Variants in CAPZA2 observed in about 807,000 individuals in gnomAD.
CAPZA2 encodes the protein F-actin-capping protein subunit alpha-2.
CAPZA2 carries 13 observed loss-of-function variants against 44.0 expected under a neutral mutation model. The ratio of observed to expected loss-of-function variants is 0.30; its 90% CI spans 0.19 to 0.47. CAPZA2 has a LOEUF of 0.47. Ranked by LOEUF, CAPZA2 falls within the 20% of genes least tolerant of loss-of-function variation. CAPZA2 has a pLI of 1.00. For missense variants in CAPZA2, 244 were observed against 338.6 expected (o/e 0.72, Z 2.19); for synonymous variants, 94 against 108.2 (o/e 0.87, Z 0.81).
chr7:116,886,895 T>A (rs1340261305), intron 1 of CAPZA2, among the ~76,000 whole-genome samples: 1 of 152,250 alleles, frequency 6.6e-6, no homozygotes, highest in Non-Finnish European at 1.5e-5. Context: ...TCATCTACCC[T>A]CTCAGATATA....
intron 1 of CAPZA2, among the ~76,000 whole-genome samples, chr7:116,865,174 C>CCTCTT (rs1796467137): frequency 8.2e-6 from 1 of 122,086 alleles, no homozygotes; most frequent in Non-Finnish European, 1.7e-5. Context: ...TATGCGCTCT[C>CCTCTT]TTCTTTTTTT....
chr7:116,902,689 A>G (rs1279876356), intron 4 of CAPZA2, among the ~76,000 whole-genome samples: 1 of 152,224 alleles, frequency 6.6e-6, no homozygotes, highest in Non-Finnish European at 1.5e-5. Context: ...CAATGGAAAT[A>G]AAAACATCAG....
At chr7:116,866,838 A>G (rs1796489685) in intron 1 of CAPZA2, among the ~76,000 whole-genome samples, 1 of 152,176 alleles carries the variant, frequency 6.6e-6, no homozygotes, top group East Asian at 1.9e-4. Context: ...TCTGCTATTC[A>G]TGTTCACTGG....
intron 1 of CAPZA2, among the ~76,000 whole-genome samples, chr7:116,879,605 A>G (rs534732843): frequency 6.6e-6 from 1 of 152,268 alleles, no homozygotes; most frequent in East Asian, 1.9e-4. Context: ...TAGGGTGTGC[A>G]TTCCTATGAG....
intron 4 of CAPZA2, among the ~76,000 whole-genome samples, chr7:116,902,413 T>G (rs1347596973): frequency 6.6e-6 from 1 of 152,170 alleles, no homozygotes; most frequent in African/African-American, 2.4e-5. Context: ...TTTTATTATA[T>G]TTGCTCACAG....
At chr7:116,893,085 T>C in intron 3 of CAPZA2, 40 bp downstream of exon 3, 1 of 1,331,730 alleles carries the variant, frequency 7.5e-7, no homozygotes. Context: ...TAAAATGACA[T>C]GGGAAAACGA....
chr7:116,888,240 TAA>T (rs1796788494), intron 2 of CAPZA2, 50 bp downstream of exon 2: 3 of 1,314,338 alleles, frequency 2.3e-6, no homozygotes, highest in Middle Eastern at 1.9e-4. Context: ...GCCCTCTTTT[TAA>T]AAGAAAACCA....
intron 2 of CAPZA2, chr7:116,888,639 G>T (rs1443078659): frequency 6.8e-6 from 1 of 146,806 alleles, no homozygotes; most frequent in African/African-American, 2.5e-5. Flanking sequence ...CCAGGAGTTC[G>T]AGACCAGCCT....
At chr7:116,863,164 C>T (rs1374440335) in intron 1 of CAPZA2, among the ~76,000 whole-genome samples, 1 of 152,240 alleles carries the variant, frequency 6.6e-6, no homozygotes, top group African/African-American at 2.4e-5. Context: ...CTACTTCCCC[C>T]TCCTCAAAGC....
At chr7:116,863,984 G>T (rs1011296307) in intron 1 of CAPZA2, among the ~76,000 whole-genome samples, 1 of 152,072 alleles carries the variant, frequency 6.6e-6, no homozygotes, top group Non-Finnish European at 1.5e-5. Context: ...CGGTGAAAGT[G>T]ATAATACAAC....
chr7:116,901,084 T>G (rs1265890636), intron 4 of CAPZA2, among the ~76,000 whole-genome samples: 1 of 152,126 alleles, frequency 6.6e-6, no homozygotes, highest in Non-Finnish European at 1.5e-5. Flanking sequence ...TCAACTATTA[T>G]AGAAGACAGT....
intron 1 of CAPZA2, among the ~76,000 whole-genome samples, chr7:116,869,342 C>T (rs1796520827): frequency 6.6e-6 from 1 of 152,164 alleles, no homozygotes; most frequent in Non-Finnish European, 1.5e-5. Flanking sequence ...GCTCTTATGA[C>T]ATATTTACAT....
intron 3 of CAPZA2, 33 bp from the exon 4 acceptor site, chr7:116,898,739 A>T: frequency 7.1e-7 from 1 of 1,407,626 alleles, no homozygotes; most frequent in Non-Finnish European, 9.8e-7. Flanking sequence ...TTAAATATAT[A>T]ATTTTAAGTA....
Position 116,917,983 on chromosome 7 carries a change from G to A in CAPZA2, c.*116G>A, listed in dbSNP as rs1218194633. ...TGGGCTGTTGCCATTTAAAATCACT[G>A]TAATTAATTAGTTTGATTAGAGCAC... On this transcript the variant is annotated 3_prime_UTR_variant, in exon 10 of 10. Transcript: ENST00000361183. 1.4e-6 allele frequency: 1 copy of A among 727,048 alleles called. No homozygotes were observed. The highest frequency in any genetic ancestry group is 2.3e-6 in the Non-Finnish European group (1 of 428,970). The allele number at this position is 727,048 out of a possible 1,614,324, so 45.0% of individuals were successfully genotyped here. A position where few individuals can be genotyped will look rare whatever the true frequency, so the allele number is the denominator to read the frequency against.
At chr7:116,902,921 C>T (rs1049592787) in intron 4 of CAPZA2, among the ~76,000 whole-genome samples, 5 of 152,032 alleles carry the variant, frequency 3.3e-5, no homozygotes, top group African/African-American at 7.2e-5. Flanking sequence ...CTATGTTGCC[C>T]GGGCTGGTCT....
At chr7:116,869,358 A>G (rs1354589840) in intron 1 of CAPZA2, among the ~76,000 whole-genome samples, 2 of 152,214 alleles carry the variant, frequency 1.3e-5, no homozygotes, top group Non-Finnish European at 2.9e-5. Flanking sequence ...TACATGTTTC[A>G]CTATGCATCT....
intron 2 of CAPZA2, among the ~76,000 whole-genome samples, chr7:116,891,495 C>T (rs1359100390): frequency 6.6e-6 from 1 of 152,044 alleles, no homozygotes; most frequent in Non-Finnish European, 1.5e-5. Context: ...CAGTGGTTAG[C>T]AAAGGATATT....
chr7:116,913,596 T>C (rs1585015753), intron 8 of CAPZA2, among the ~76,000 whole-genome samples: 1 of 152,032 alleles, frequency 6.6e-6, no homozygotes, highest in East Asian at 1.9e-4. Context: ...TGTTTCCTTG[T>C]TGATTTTTGT....
rs551035005 is a variant in CAPZA2 at position 116,884,026 on chromosome 7, A to G, written c.40-4101A>G. ...AAGACTTCAGTATAAATACTTCCTAACAACTCCTTCTCTCAATAGGAAGGG... is the reference window on the plus strand; with the variant it reads ...AAGACTTCAGTATAAATACTTCCTAGCAACTCCTTCTCTCAATAGGAAGGG... On this transcript the variant is annotated intron_variant, in intron 1 of 9. Coordinates refer to ENST00000361183, the MANE Select transcript of CAPZA2 (RefSeq NM_006136.3). 3.3e-5 allele frequency among the ~76,000 whole-genome samples: 5 copies of G among 152,282 alleles called. No homozygotes were observed. In the South Asian group the frequency reaches 1.0e-3, roughly 32 times the overall value.
Sources: allele counts gnomAD v4.1 joint callset (sites outside exome capture counted in the v4.1 genomes callset), GRCh38; gene constraint gnomAD v4.1.1; transcripts MANE v1.5; gene names NCBI Gene and HGNC (gene_info 2026-07-23, HGNC 2026-07-21).